Variants in PRKG1 observed in about 807,000 individuals in gnomAD.
PRKG1 encodes cGMP-dependent protein kinase 1.
A neutral mutation model predicts 88.1 loss-of-function variants in PRKG1; 35 were observed. The observed-to-expected ratio is 0.40, with a 90% CI of 0.30 to 0.53. The LOEUF (loss-of-function observed/expected upper bound fraction) is 0.53. PRKG1 is among the 20% of genes least tolerant of loss of function. The pLI is 0.59. For synonymous variants in PRKG1, 303 were observed against 292.5 expected (o/e 1.04, Z -0.37); for missense variants, 540 against 839.8 (o/e 0.64, Z 4.41).
At chr10:51,472,003 T>G (rs537079185) in intron 3 of PRKG1, among the ~76,000 whole-genome samples, 1 of 152,070 alleles carries the variant, frequency 6.6e-6, no homozygotes, top group South Asian at 2.1e-4. Context: ...ATTAAAATAC[T>G]TCATTATTAA....
chr10:52,119,796 GT>G (rs1239402525), intron 7 of PRKG1, among the ~76,000 whole-genome samples: 1 of 152,178 alleles, frequency 6.6e-6, no homozygotes, highest in African/African-American at 2.4e-5. Context: ...ACAGTTGGAA[GT>G]TGAAAAGCCT....
intron 1 of PRKG1, among the ~76,000 whole-genome samples, chr10:51,040,444 G>A (rs900599272): frequency 2.5e-4 from 36 of 146,398 alleles, no homozygotes; most frequent in Non-Finnish European, 4.2e-4. Context: ...TCAGCCTCCC[G>A]AGCAGCTGGG....
rs900305700 is a variant in PRKG1, at chr10:51,367,529, G to T, written c.479-100194G>T. ...CACTTAACAACTAGCTCCATAAAAG[G>T]AATTAGACAAGAGTCTTTCTAGTGA... On this transcript the variant is annotated intron_variant, in intron 2 of 17. Transcript: ENST00000373980. Among the ~76,000 whole-genome samples the T allele has an allele frequency of 2.6e-5, 4 of 151,932 alleles. No individual in the cohort carries two copies. In the South Asian group the frequency reaches 8.3e-4, roughly 32 times the overall value.
intron 5 of PRKG1, among the ~76,000 whole-genome samples, chr10:52,027,496 T>C (rs1845372756): frequency 6.6e-6 from 1 of 152,212 alleles, no homozygotes; most frequent in Non-Finnish European, 1.5e-5. Flanking sequence ...TTTTTGTTTC[T>C]AATATACAAG....
In PRKG1 at chr10:52,097,801, G is replaced by A. The variant is rs1904014; in HGVS notation, c.935+35170G>A. On this transcript the variant is annotated intron_variant, in intron 7 of 17. Transcript: ENST00000373980. ...TATATATATGTACAGATTGCTGATA[G>A]CTTTTTAAAAATCAAGATGTCCTTT... 5.1e-3 allele frequency among the ~76,000 whole-genome samples: 774 copies of A among 151,278 alleles called. 22 individuals carry two copies. Among genetic ancestry groups the A allele is most frequent in the Admixed American group, 0.047 (709 of 15,176 alleles).
At chr10:51,866,596 C>A (rs1253779405) in intron 4 of PRKG1, among the ~76,000 whole-genome samples, 1 of 152,078 alleles carries the variant, frequency 6.6e-6, no homozygotes, top group Non-Finnish European at 1.5e-5. Context: ...TATCAATTTA[C>A]CAATGGAGAA....
Position 51,260,435 on chromosome 10 carries a change from A to T in PRKG1, c.478+107105A>T, listed in dbSNP as rs185867813. ...ATTTTTTCATGTTGTGCTACAATTT[A>T]AAAAAAAATTTTTTATTCTTTTGGG... On this transcript the variant is annotated intron_variant, in intron 2 of 17. Transcript: ENST00000373980. Among the ~76,000 whole-genome samples, 6 of 151,952 alleles carry T rather than the reference A, an allele frequency of 3.9e-5. No individual in the cohort carries two copies. In the East Asian group the frequency reaches 5.8e-4, roughly 15 times the overall value.
chr10:52,145,842 T>C (rs183365434), intron 8 of PRKG1, among the ~76,000 whole-genome samples: 1 of 152,322 alleles, frequency 6.6e-6, no homozygotes, highest in Admixed American at 6.5e-5. Flanking sequence ...ATGTATGAAT[T>C]GGATTAGCAT....
chr10:52,026,661 C>T (rs1036587955), intron 5 of PRKG1, among the ~76,000 whole-genome samples: 3 of 152,096 alleles, frequency 2.0e-5, no homozygotes, highest in Admixed American at 6.5e-5. Context: ...TGTTAAGATA[C>T]TAAAAATCTT....
intron 2 of PRKG1, among the ~76,000 whole-genome samples, chr10:51,465,187 A>T (rs1350128109): frequency 1.3e-5 from 2 of 152,098 alleles, no homozygotes; most frequent in Non-Finnish European, 2.9e-5. Context: ...ATTAGTTCTG[A>T]TGTAATGGGT....
At chr10:51,230,158 C>T (rs1488870369) in intron 2 of PRKG1, among the ~76,000 whole-genome samples, 1 of 151,762 alleles carries the variant, frequency 6.6e-6, no homozygotes, top group Non-Finnish European at 1.5e-5. Flanking sequence ...TCAGTGGCCA[C>T]TAAAGAGAAT....
intron 6 of PRKG1, 68 bp from the exon 7 acceptor site, chr10:52,062,469 T>G: frequency 1.1e-6 from 1 of 940,080 alleles, no homozygotes; most frequent in Non-Finnish European, 1.5e-6. Flanking sequence ...ATTAACTTCA[T>G]TAATTAGTGT....
intron 2 of PRKG1, among the ~76,000 whole-genome samples, chr10:51,417,179 A>G (rs1165468327): frequency 6.6e-6 from 1 of 152,202 alleles, no homozygotes; most frequent in East Asian, 1.9e-4. Context: ...CTGACATAAT[A>G]GAAGTTTTAA....
intron 4 of PRKG1, among the ~76,000 whole-genome samples, chr10:51,807,525 G>A (rs889771081): frequency 3.9e-5 from 6 of 152,148 alleles, no homozygotes; most frequent in Non-Finnish European, 7.4e-5. Context: ...GACAATACAG[G>A]GGAAAACTGC....
intron 7 of PRKG1, among the ~76,000 whole-genome samples, chr10:52,108,051 T>G (rs756714267): frequency 6.6e-6 from 1 of 152,184 alleles, no homozygotes; most frequent in South Asian, 2.1e-4. Context: ...ATATAGACAT[T>G]GGGTAAATAT....
intron 2 of PRKG1, among the ~76,000 whole-genome samples, chr10:51,164,950 T>C (rs947432439): frequency 1.3e-5 from 2 of 151,934 alleles, no homozygotes; most frequent in Admixed American, 1.3e-4. Flanking sequence ...ACGGGGAAAA[T>C]GGAACCAAGT....
At chr10:51,335,717 T>C (rs1250708988) in intron 2 of PRKG1, among the ~76,000 whole-genome samples, 1 of 152,000 alleles carries the variant, frequency 6.6e-6, no homozygotes, top group Non-Finnish European at 1.5e-5. Context: ...GATTTTTAGA[T>C]ATCTGCACGA....
At chr10:51,598,978 GACAA>G (rs765499237) in intron 3 of PRKG1, among the ~76,000 whole-genome samples, 6 of 152,280 alleles carry the variant, frequency 3.9e-5, no homozygotes, top group Non-Finnish European at 7.4e-5. Flanking sequence ...GTTTCTAGAA[GACAA>G]ACAACACCAT....
At chr10:52,217,250 A>T (rs1840133555) in intron 9 of PRKG1, among the ~76,000 whole-genome samples, 1 of 151,968 alleles carries the variant, frequency 6.6e-6, no homozygotes, top group Admixed American at 6.6e-5. Flanking sequence ...TTAATTGGGG[A>T]GGAATAAGTA....
Sources: allele counts gnomAD v4.1 joint callset (sites outside exome capture counted in the v4.1 genomes callset), GRCh38; gene constraint gnomAD v4.1.1; transcripts MANE v1.5; gene names NCBI Gene and HGNC (gene_info 2026-07-23, HGNC 2026-07-21).